CTNNA3: variants seen among roughly 807,000 people sequenced by gnomAD.
CTNNA3 encodes the protein catenin alpha 3.
Under a neutral mutation model 95.7 loss-of-function variants are expected in CTNNA3, and 76 were observed. The ratio of observed to expected loss-of-function variants is 0.79; its 90% CI spans 0.66 to 0.96. The LOEUF (loss-of-function observed/expected upper bound fraction) is 0.96. Among genes scored for constraint, CTNNA3 ranks in the 40% least tolerant of loss-of-function variants. CTNNA3 has a pLI of 0.00. For missense variants in CTNNA3, 1,191 were observed against 1,089.8 expected (o/e 1.09, Z -1.31); for synonymous variants, 431 against 374.4 (o/e 1.15, Z -1.74).
At chr10:66,382,282 C>G (rs190020244) in intron 11 of CTNNA3, among the ~76,000 whole-genome samples, 12 of 152,188 alleles carry the variant, frequency 7.9e-5, no homozygotes, top group Non-Finnish European at 1.5e-4. Context: ...GATTCTCTCC[C>G]ATGCCTGGCT....
intron 9 of CTNNA3, among the ~76,000 whole-genome samples, chr10:66,765,622 A>G (rs1303631673): frequency 6.6e-6 from 1 of 152,068 alleles, no homozygotes; most frequent in Non-Finnish European, 1.5e-5. Flanking sequence ...TGTGTTATTG[A>G]CATCCATAAT....
chr10:67,010,186 C>T (rs922656472), intron 7 of CTNNA3, among the ~76,000 whole-genome samples: 6 of 152,096 alleles, frequency 3.9e-5, no homozygotes, highest in African/African-American at 1.2e-4. Context: ...GAAGATTACA[C>T]ATATCATTTA....
intron 8 of CTNNA3, among the ~76,000 whole-genome samples, chr10:66,769,686 G>A (rs10822912): frequency 0.85 from 129,385 of 152,198 alleles, 55,294 homozygotes; most frequent in East Asian, 1. Context: ...GTTCTTCAGC[G>A]TCCACACCAC....
intron 7 of CTNNA3, chr10:67,097,885 A>C: frequency 9.1e-7 from 1 of 1,100,064 alleles, no homozygotes; most frequent in African/African-American, 1.6e-5. Flanking sequence ...GACTCTAAAA[A>C]CAAAACAAAA....
chr10:66,824,193 T>C (rs1399297117), intron 7 of CTNNA3, among the ~76,000 whole-genome samples: 1 of 152,084 alleles, frequency 6.6e-6, no homozygotes, highest in Non-Finnish European at 1.5e-5. Context: ...TGAGAGTATA[T>C]AAGAAAATGG....
chr10:66,437,468 T>C (rs2093345956), intron 11 of CTNNA3, among the ~76,000 whole-genome samples: 1 of 152,144 alleles, frequency 6.6e-6, no homozygotes, highest in Admixed American at 6.5e-5. Context: ...TTTCTTCCAC[T>C]TGATGGATTT....
At chr10:66,198,254 T>G (rs1028037237) in intron 13 of CTNNA3, among the ~76,000 whole-genome samples, 1 of 152,182 alleles carries the variant, frequency 6.6e-6, no homozygotes, top group African/African-American at 2.4e-5. Flanking sequence ...TCTCTTGTGT[T>G]GATATATTTT....
chr10:66,628,020 T>G (rs540785197), intron 9 of CTNNA3, among the ~76,000 whole-genome samples: 10 of 152,094 alleles, frequency 6.6e-5, no homozygotes, highest in Admixed American at 2.0e-4. Flanking sequence ...TCCCACACTC[T>G]CGCATTATAG....
chr10:67,350,284 C>CTTT (rs1842581371), intron 5 of CTNNA3, among the ~76,000 whole-genome samples: 4 of 151,932 alleles, frequency 2.6e-5, no homozygotes, highest in Admixed American at 1.3e-4. Context: ...GGGTCATGAA[C>CTTT]AAATGTTGGT....
At chr10:66,932,998 A>G (rs1200955567) in intron 7 of CTNNA3, among the ~76,000 whole-genome samples, 1 of 152,214 alleles carries the variant, frequency 6.6e-6, no homozygotes, top group Non-Finnish European at 1.5e-5. Context: ...GAAGTTTCTC[A>G]TATGTAACAC....
intron 1 of CTNNA3, among the ~76,000 whole-genome samples, chr10:67,705,572 G>A (rs1336083894): frequency 7.1e-6 from 1 of 140,670 alleles, no homozygotes; most frequent in East Asian, 2.1e-4. Context: ...GGTGGGAATT[G>A]AACAATGAGA....
chr10:66,096,645 T>C (rs953203793), intron 14 of CTNNA3, among the ~76,000 whole-genome samples: 2 of 151,736 alleles, frequency 1.3e-5, no homozygotes, highest in South Asian at 2.1e-4. Context: ...CACCTTACCC[T>C]TCCTAGTAGC....
intron 1 of CTNNA3, among the ~76,000 whole-genome samples, chr10:67,673,187 T>G (rs1158650205): frequency 8.6e-5 from 13 of 151,028 alleles, no homozygotes; most frequent in Non-Finnish European, 1.8e-4. Flanking sequence ...ATAAGAATGC[T>G]TGTGATTTTT....
intron 15 of CTNNA3, among the ~76,000 whole-genome samples, chr10:66,022,545 G>A (rs2079240863): frequency 1.3e-5 from 2 of 151,954 alleles, no homozygotes; most frequent in African/African-American, 4.8e-5. Flanking sequence ...GGAACTGCAT[G>A]TGTCCTATAT....
At chr10:67,722,469 C>G (rs760657224) in intron 1 of CTNNA3, among the ~76,000 whole-genome samples, 4 of 152,104 alleles carry the variant, frequency 2.6e-5, no homozygotes, top group Non-Finnish European at 4.4e-5. Context: ...ACAAACAATT[C>G]ACAGCTACCA....
At chr10:67,641,624 T>C (rs1046889601) in intron 2 of CTNNA3, among the ~76,000 whole-genome samples, 1 of 152,134 alleles carries the variant, frequency 6.6e-6, no homozygotes, top group African/African-American at 2.4e-5. Flanking sequence ...CCAACAATGA[T>C]AGACTGGATT....
chr10:66,340,151 T>C (rs1281394227), intron 12 of CTNNA3, among the ~76,000 whole-genome samples: 1 of 151,858 alleles, frequency 6.6e-6, no homozygotes, highest in Admixed American at 6.6e-5. Context: ...TGTCACCATA[T>C]ACTCAAGAAA....
At chr10:66,000,092 A>G (rs1258499355) in intron 15 of CTNNA3, among the ~76,000 whole-genome samples, 3 of 152,214 alleles carry the variant, frequency 2.0e-5, no homozygotes. Context: ...AATGTAATAA[A>G]GATAATTTTA....
intron 5 of CTNNA3, among the ~76,000 whole-genome samples, chr10:67,301,297 AT>A (rs1840257062): frequency 6.6e-6 from 1 of 152,060 alleles, no homozygotes; most frequent in Non-Finnish European, 1.5e-5. Flanking sequence ...AAAAACCACA[AT>A]GAGACATCTC....
Sources: allele counts gnomAD v4.1 joint callset (sites outside exome capture counted in the v4.1 genomes callset), GRCh38; gene constraint gnomAD v4.1.1; transcripts MANE v1.5; gene names NCBI Gene and HGNC (gene_info 2026-07-23, HGNC 2026-07-21).